Variants in ENOX1 observed in about 807,000 individuals in gnomAD.
The protein encoded by ENOX1 is candidate growth-related and time keeping constitutive hydroquinone (NADH) oxidase.
ENOX1 carries 42 observed loss-of-function variants against 82.5 expected under a neutral mutation model. The observed-to-expected ratio is 0.51, with a 90% confidence interval of 0.40 to 0.66. The LOEUF (loss-of-function observed/expected upper bound fraction) is 0.66, where lower values mean the gene tolerates loss of function less well. Ranked by LOEUF, ENOX1 falls within the 30% of genes least tolerant of loss-of-function variation. The probability of loss-of-function intolerance (pLI) is 0.00; values close to 1 mark genes in which losing one functional copy is unlikely to be tolerated. For missense variants in ENOX1, 608 were observed against 811.6 expected (o/e 0.75, Z 3.05); for synonymous variants, 271 against 282.2 (o/e 0.96, Z 0.40).
chr13:43,291,060 TA>T (rs2045973845), intron 12 of ENOX1, among the ~76,000 whole-genome samples: 1 of 152,210 alleles, frequency 6.6e-6, no homozygotes, highest in African/African-American at 2.4e-5. Flanking sequence ...AAAAAATTTT[TA>T]AAAGCTCTTA....
chr13:43,776,057 A>C (rs1474265972), intron 1 of ENOX1, among the ~76,000 whole-genome samples: 1 of 152,226 alleles, frequency 6.6e-6, no homozygotes, highest in Non-Finnish European at 1.5e-5. Flanking sequence ...GAGGCTGATA[A>C]TACTATAAAA....
intron 2 of ENOX1, among the ~76,000 whole-genome samples, chr13:43,582,417 T>C (rs1347412376): frequency 6.6e-6 from 1 of 152,048 alleles, no homozygotes; most frequent in Admixed American, 6.6e-5. Flanking sequence ...GAAATATAAA[T>C]TAACTGAAAG....
intron 1 of ENOX1, among the ~76,000 whole-genome samples, chr13:43,745,256 A>G (rs970309063): frequency 1.3e-5 from 2 of 152,236 alleles, no homozygotes; most frequent in South Asian, 4.1e-4. Flanking sequence ...CAACTGAAAT[A>G]TCTACTTAAT....
At chr13:43,754,201 A>T (rs1049028854) in intron 1 of ENOX1, among the ~76,000 whole-genome samples, 2 of 145,236 alleles carry the variant, frequency 1.4e-5, no homozygotes, top group East Asian at 4.0e-4. Context: ...ATACATATGT[A>T]TATGTATATA....
chr13:43,757,539 C>G (rs1201755278), intron 1 of ENOX1, among the ~76,000 whole-genome samples: 1 of 152,124 alleles, frequency 6.6e-6, no homozygotes, highest in Non-Finnish European at 1.5e-5. Flanking sequence ...CGGCTCTGAG[C>G]CACTCTGTCA....
chr13:43,643,517 A>G (rs1423451465), intron 2 of ENOX1, among the ~76,000 whole-genome samples: 1 of 152,164 alleles, frequency 6.6e-6, no homozygotes, highest in Non-Finnish European at 1.5e-5. Flanking sequence ...ATATGGCAAT[A>G]CTTAGCAAGA....
At chr13:43,532,106 A>T (rs2078256178) in intron 2 of ENOX1, among the ~76,000 whole-genome samples, 1 of 152,106 alleles carries the variant, frequency 6.6e-6, no homozygotes, top group Non-Finnish European at 1.5e-5. Flanking sequence ...AAGTTAAAAA[A>T]GTTTTAATTT....
chr13:43,496,454 T>C (rs1338114652), intron 2 of ENOX1, among the ~76,000 whole-genome samples: 1 of 151,906 alleles, frequency 6.6e-6, no homozygotes, highest in Non-Finnish European at 1.5e-5. Flanking sequence ...GGAACAATCA[T>C]AGCTGACTGT....
At chr13:43,290,753 G>A (rs2045956223) in intron 12 of ENOX1, among the ~76,000 whole-genome samples, 2 of 152,240 alleles carry the variant, frequency 1.3e-5, no homozygotes, top group South Asian at 2.1e-4. Context: ...GAGGCTGGGT[G>A]CAGCGGCTCC....
At chr13:43,404,800 A>G (rs1226914917) in intron 5 of ENOX1, among the ~76,000 whole-genome samples, 1 of 152,238 alleles carries the variant, frequency 6.6e-6, no homozygotes, top group Non-Finnish European at 1.5e-5. Context: ...AAGTAAATGC[A>G]TAGAGTGTAA....
chr13:43,487,755 C>T (rs1164520131), intron 2 of ENOX1, among the ~76,000 whole-genome samples: 2 of 152,086 alleles, frequency 1.3e-5, no homozygotes, highest in Admixed American at 6.5e-5. Flanking sequence ...AACCACACAC[C>T]CTTTTACTCT....
Position 43,581,125 on chromosome 13 carries a change from C to CTTTTTTT in ENOX1, c.-219+86347_-219+86353dup, listed in dbSNP as rs1174448355. Among the ~76,000 whole-genome samples, 243 of 77,092 alleles carry CTTTTTTT rather than the reference C, an allele frequency of 3.2e-3. 16 individuals are homozygous for CTTTTTTT. The highest frequency in any genetic ancestry group is 3.3e-3 in the Non-Finnish European group (147 of 43,952). 50.6% of individuals were successfully genotyped at this position (77,092 alleles called of 152,430 possible). A position where few individuals can be genotyped will look rare whatever the true frequency, so the allele number is the denominator to read the frequency against. ...TAAGTTATTTTAGCACTACCTGATT[C>CTTTTTTT]TTTTTTTTTTTTTTTTTTTTTTTTT... On this transcript the variant is annotated intron_variant, in intron 2 of 16. Coordinates refer to ENST00000690772, the MANE Select transcript of ENOX1 (RefSeq NM_001347969.2).
intron 1 of ENOX1, among the ~76,000 whole-genome samples, chr13:43,767,535 G>T (rs772033699): frequency 1.3e-5 from 2 of 152,246 alleles, no homozygotes; most frequent in Non-Finnish European, 2.9e-5. Flanking sequence ...GAAAAGTTTA[G>T]ACTGTGCTTT....
intron 2 of ENOX1, among the ~76,000 whole-genome samples, chr13:43,594,005 C>T (rs925559714): frequency 6.6e-6 from 1 of 152,196 alleles, no homozygotes; most frequent in South Asian, 2.1e-4. Flanking sequence ...TCTCTTACTG[C>T]GCCCAACAAC....
chr13:43,244,000 A>G (rs1035061743), intron 14 of ENOX1, among the ~76,000 whole-genome samples: 4 of 151,896 alleles, frequency 2.6e-5, no homozygotes, highest in African/African-American at 4.8e-5. Context: ...ATGGCAGTTC[A>G]TCACTTATAC....
At chr13:43,537,616 G>A (rs905408062) in intron 2 of ENOX1, among the ~76,000 whole-genome samples, 4 of 152,180 alleles carry the variant, frequency 2.6e-5, no homozygotes, top group African/African-American at 9.7e-5. Context: ...TTTCTGTGAA[G>A]TAAGACAACT....
Position 43,236,724 on chromosome 13 carries a change from C to A in ENOX1, c.1626G>T (p.Leu542Phe). The A allele has an allele frequency of 6.3e-7, 1 of 1,576,624 alleles. No homozygotes were observed. Among genetic ancestry groups the A allele is most frequent in the Non-Finnish European group, 8.6e-7 (1 of 1,169,456 alleles). Residue 542 changes from leucine to phenylalanine, a missense_variant, in exon 15 of 17, where the codon TTG becomes TTT. By Grantham distance (22) the Leu-to-Phe change is conservative (BLOSUM62 0). Transcript: ENST00000690772. ...GGTCTTGGTTGACTAATGCAACTGT[C>A]AACACATTGATTTCCTATAAAGTTA... ...SHEDSNEINV[L>F]TVALVNQDRE...
chr13:43,732,632 C>A (rs996275964), intron 1 of ENOX1, among the ~76,000 whole-genome samples: 1 of 152,164 alleles, frequency 6.6e-6, no homozygotes, highest in African/African-American at 2.4e-5. Flanking sequence ...AAAGACAATG[C>A]ACAATTACGT....
intron 3 of ENOX1, 55 bp downstream of exon 3, chr13:43,483,954 A>C: frequency 1.0e-6 from 1 of 958,566 alleles, no homozygotes; most frequent in Non-Finnish European, 1.2e-6. Context: ...TCCATTAAAA[A>C]ATATCCCTCA....
Sources: gnomAD v4.1 joint callset for allele counts (sites outside exome capture counted in the v4.1 genomes callset) on GRCh38, gnomAD v4.1.1 for gene constraint, MANE v1.5 for transcripts, NCBI Gene and HGNC (gene_info 2026-07-23, HGNC 2026-07-21) for gene names.